The following RSU1 variants were observed in gnomAD, a reference collection of about 807,000 sequenced individuals.
RSU1 encodes the protein Ras suppressor protein 1.
A neutral mutation model predicts 31.1 loss-of-function variants in RSU1; 26 were observed. The observed-to-expected ratio is 0.84, with a 90% CI of 0.61 to 1.16. The LOEUF (loss-of-function observed/expected upper bound fraction) is 1.16, where lower values mean the gene tolerates loss of function less well. Among genes scored for constraint, RSU1 ranks in the 50% most tolerant of loss-of-function variants. The probability of loss-of-function intolerance (pLI) is 0.00; values close to 1 mark genes in which losing one functional copy is unlikely to be tolerated. For missense variants in RSU1, 320 were observed against 339.1 expected, an observed-to-expected ratio of 0.94 and a Z score of 0.44; for synonymous variants, 164 against 136.3, an observed-to-expected ratio of 1.20 and a Z score of -1.41.
At chr10:16,768,991 C>T (rs181179274) in intron 3 of RSU1, among the ~76,000 whole-genome samples, 76 of 152,316 alleles carry the variant, frequency 5.0e-4, no homozygotes, top group African/African-American at 1.7e-3. Flanking sequence ...CTACGGCCAT[C>T]GGTAATACCT....
intron 7 of RSU1, among the ~76,000 whole-genome samples, chr10:16,738,203 T>G (rs1836673591): frequency 6.6e-6 from 1 of 152,068 alleles, no homozygotes; most frequent in African/African-American, 2.4e-5. Context: ...TCCCAGCACT[T>G]TGGGAGGCCA....
At chr10:16,748,541 A>G (rs1194395975) in intron 7 of RSU1, among the ~76,000 whole-genome samples, 1 of 152,224 alleles carries the variant, frequency 6.6e-6, no homozygotes, top group Non-Finnish European at 1.5e-5. Context: ...TCTGGTGATT[A>G]GGACGGGAGC....
chr10:16,594,785 A>ATAT (rs1427751918), intron 8 of RSU1, among the ~76,000 whole-genome samples: 1 of 142,016 alleles, frequency 7.0e-6, no homozygotes, highest in Admixed American at 7.0e-5. Context: ...TCATATATAT[A>ATAT]TATATTTTTT....
intron 7 of RSU1, among the ~76,000 whole-genome samples, chr10:16,706,128 C>T (rs1033360666): frequency 2.6e-5 from 4 of 152,132 alleles, no homozygotes; most frequent in East Asian, 1.9e-4. Flanking sequence ...TTTTTGAGAC[C>T]ATTTTCAATT....
At chr10:16,752,425 T>C in intron 7 of RSU1, 114 bp downstream of exon 7, 1 of 745,108 alleles carries the variant, frequency 1.3e-6, no homozygotes, top group Non-Finnish European at 2.3e-6. Flanking sequence ...CAGCATCGTG[T>C]GCCTAGGTGG....
chr10:16,791,732 A>G (rs911533053), intron 2 of RSU1, among the ~76,000 whole-genome samples: 1 of 152,210 alleles, frequency 6.6e-6, no homozygotes, highest in Non-Finnish European at 1.5e-5. Flanking sequence ...AGTATTTGAA[A>G]TAGGTCCCGC....
At chr10:16,795,072 G>A (rs558306737) in intron 2 of RSU1, among the ~76,000 whole-genome samples, 1 of 152,216 alleles carries the variant, frequency 6.6e-6, no homozygotes, top group African/African-American at 2.4e-5. Context: ...TGTTAGAACA[G>A]TCCCGGCGTG....
intron 8 of RSU1, among the ~76,000 whole-genome samples, chr10:16,612,645 C>A (rs1833912189): frequency 1.3e-5 from 2 of 152,330 alleles, no homozygotes; most frequent in South Asian, 4.1e-4. Context: ...GTAATGAACA[C>A]TGATCATAAG....
intron 8 of RSU1, among the ~76,000 whole-genome samples, chr10:16,683,145 G>C (rs1158758612): frequency 6.6e-6 from 1 of 150,534 alleles, no homozygotes; most frequent in Non-Finnish European, 1.5e-5. Context: ...AGCCTTAAGA[G>C]AGGAATGGGT....
chr10:16,638,974 A>C (rs1834394114), intron 8 of RSU1, among the ~76,000 whole-genome samples: 1 of 152,350 alleles, frequency 6.6e-6, no homozygotes, highest in South Asian at 2.1e-4. Flanking sequence ...GAAATAACAT[A>C]ATGCAGTGTA....
chr10:16,653,326 G>A (rs1245094581), intron 8 of RSU1, among the ~76,000 whole-genome samples: 4 of 152,226 alleles, frequency 2.6e-5, no homozygotes, highest in Admixed American at 2.6e-4. Flanking sequence ...AATTAGGAAA[G>A]AGCTAGGATA....
chr10:16,706,327 T>C (rs918271461), intron 7 of RSU1, among the ~76,000 whole-genome samples: 3 of 152,222 alleles, frequency 2.0e-5, no homozygotes, highest in Non-Finnish European at 4.4e-5. Context: ...ATTGTAGTTT[T>C]CACTTGCACT....
At chr10:16,661,097 G>A (rs991855648) in intron 8 of RSU1, among the ~76,000 whole-genome samples, 6 of 151,846 alleles carry the variant, frequency 4.0e-5, no homozygotes, top group South Asian at 2.1e-4. Flanking sequence ...TTTGCTCAAC[G>A]TTTTTCTCTA....
intron 7 of RSU1, among the ~76,000 whole-genome samples, chr10:16,727,880 G>A (rs1007478405): frequency 6.6e-6 from 1 of 152,138 alleles, no homozygotes; most frequent in Non-Finnish European, 1.5e-5. Flanking sequence ...GGTAGCCGTG[G>A]GGGGCTAGAG....
chr10:16,664,069 C>A (rs1172086689), intron 8 of RSU1, among the ~76,000 whole-genome samples: 4 of 152,180 alleles, frequency 2.6e-5, no homozygotes, highest in African/African-American at 9.7e-5. Flanking sequence ...GGTACCAACA[C>A]TGACCTTTCC....
intron 3 of RSU1, chr10:16,767,357 G>C (rs996992487): frequency 9.2e-5 from 14 of 152,148 alleles, no homozygotes; most frequent in Admixed American, 2.0e-4. Flanking sequence ...TAAAGGTATC[G>C]CCTTTTTGAC....
chr10:16,751,719 T>A (rs1836984632), intron 7 of RSU1, among the ~76,000 whole-genome samples: 1 of 152,230 alleles, frequency 6.6e-6, no homozygotes, highest in Non-Finnish European at 1.5e-5. Flanking sequence ...GCTTCCTCAA[T>A]GTGTTTCTTA....
intron 4 of RSU1, among the ~76,000 whole-genome samples, chr10:16,756,698 T>C (rs556925987): frequency 3.3e-5 from 5 of 152,324 alleles, no homozygotes; most frequent in African/African-American, 1.2e-4. Flanking sequence ...TGTAGGCTAT[T>C]AGGAATTAAG....
At chr10:16,626,534 G>A (rs1834160759) in intron 8 of RSU1, among the ~76,000 whole-genome samples, 2 of 152,140 alleles carry the variant, frequency 1.3e-5, no homozygotes, top group South Asian at 4.1e-4. Flanking sequence ...CTCTTCTGTG[G>A]CAATGTTGGC....
Sources: allele counts gnomAD v4.1 joint callset (sites outside exome capture counted in the v4.1 genomes callset), GRCh38; gene constraint gnomAD v4.1.1; transcripts MANE v1.5; gene names NCBI Gene and HGNC (gene_info 2026-07-23, HGNC 2026-07-21).